PCDHGA7: variants seen among roughly 807,000 people sequenced by gnomAD.
PCDHGA7 encodes the protein protocadherin gamma subfamily A, 7, also known as protocadherin gamma-A7.
A neutral mutation model predicts 58.3 loss-of-function variants in PCDHGA7; 44 were observed. The ratio of observed to expected loss-of-function variants is 0.75; its 90% CI spans 0.59 to 0.97. The LOEUF is 0.97. Ranked by LOEUF, PCDHGA7 falls within the 50% of genes least tolerant of loss-of-function variation. The pLI is 0.00. For missense variants in PCDHGA7, 1,266 were observed against 1,188.7 expected (o/e 1.06, Z -0.96); for synonymous variants, 516 against 504.2 (o/e 1.02, Z -0.31).
At chr5:141,428,024 A>G (rs2097101613) in intron 1 of PCDHGA7, 1 of 1,606,106 alleles carries the variant, frequency 6.2e-7, no homozygotes, top group African/African-American at 1.3e-5. Context: ...CACGCGCCGC[A>G]GAGTCCGGCT....
At chr5:141,404,382 A>T in intron 1 of PCDHGA7, 2 of 1,613,978 alleles carry the variant, frequency 1.2e-6, no homozygotes, top group Non-Finnish European at 1.7e-6. Context: ...GTGATTGCCT[A>T]TGACCCTGAT....
At chr5:141,410,706 G>A in intron 1 of PCDHGA7, 1 of 1,454,410 alleles carries the variant, frequency 6.9e-7, no homozygotes, top group Non-Finnish European at 9.2e-7. Flanking sequence ...TTCATATCTA[G>A]AATCATATGT....
chr5:141,386,043 T>A (rs1356183154), intron 1 of PCDHGA7: 7 of 152,254 alleles, frequency 4.6e-5, no homozygotes, highest in Admixed American at 1.3e-4. Context: ...GGCAATTACA[T>A]GTTTTAACAG....
chr5:141,392,822 T>C (rs1234169256), intron 1 of PCDHGA7: 1 of 1,595,210 alleles, frequency 6.3e-7, no homozygotes, highest in East Asian at 2.2e-5. Context: ...CAATGGCCGC[T>C]CCACAGAGTC....
Position 141,432,479 on chromosome 5 carries a change from G to A in PCDHGA7, c.2424+47156G>A, listed in dbSNP as rs771261875. ...CGCCCTCCCCACGGACGGTTCCACT[G>A]GCGTGGAGCTGGCTCCCCGCTCCGC... On this transcript the variant is annotated intron_variant, in intron 1 of 3. Transcript: ENST00000518325. The surrounding 1 kb of genome is among the most constrained non-coding windows in gnomAD (Gnocchi z 6.0). The A allele has an allele frequency of 3.8e-5, 62 of 1,614,076 alleles. No individual in the cohort carries two copies. Among genetic ancestry groups the A allele is most frequent in the Non-Finnish European group, 4.9e-5 (58 of 1,180,052 alleles).
Position 141,493,689 on chromosome 5 carries a change from C to A in PCDHGA7, c.2425-1118C>A, listed in dbSNP as rs2099749557. The stretch of plus-strand genomic sequence containing the variant: ...GGCAGCCCCAGAATGGTGCTGGTGA[C>A]TCCCGATACACCTGGAATGCTAGGT... On this transcript the variant is annotated intron_variant, in intron 1 of 3. Transcript: ENST00000518325. The surrounding 1 kb of genome is among the most constrained non-coding windows in gnomAD (Gnocchi z 4.3). Among the ~76,000 whole-genome samples the A allele has an allele frequency of 6.6e-6, 1 of 152,218 alleles. No homozygotes were observed. The highest frequency in any genetic ancestry group is 2.4e-5 in the African/African-American group (1 of 41,450).
intron 1 of PCDHGA7, among the ~76,000 whole-genome samples, chr5:141,479,979 T>C (rs67253891): frequency 0.061 from 9,352 of 152,266 alleles, 334 homozygotes; most frequent in South Asian, 0.12. Context: ...GTTCTACCAT[T>C]TACCAACTAG....
At chr5:141,398,328 C>G in intron 1 of PCDHGA7, 7 of 1,353,010 alleles carry the variant, frequency 5.2e-6, no homozygotes, top group Non-Finnish European at 7.2e-6. Context: ...GAAAACTGCG[C>G]GTCAGTTCGG....
At chr5:141,466,974 C>G (rs1314224956) in intron 1 of PCDHGA7, among the ~76,000 whole-genome samples, 1 of 151,944 alleles carries the variant, frequency 6.6e-6, no homozygotes, top group Non-Finnish European at 1.5e-5. Context: ...TCTCACAGCT[C>G]ATCATTTACC....
At position 141,487,603 on chromosome 5, in the gene PCDHGA7, C is replaced by T; in HGVS notation, c.2425-7204C>T. The stretch of plus-strand genomic sequence containing the variant: ...CAAGCTGCCCACCCTCTGATCTTCT[C>T]TATGGGCTAGAGGTGAGACCTTTGC... On this transcript the variant is annotated intron_variant, in intron 1 of 3. Transcript: ENST00000518325. This position sits in a 1 kb window ranked among gnomAD's most constrained non-coding sequence, Gnocchi z 5.0. 1.2e-6 allele frequency: 2 copies of T among 1,614,214 alleles called. No individual in the cohort carries two copies. Among genetic ancestry groups the T allele is most frequent in the Non-Finnish European group, 1.7e-6 (2 of 1,180,042 alleles).
At chr5:141,420,432 T>C in intron 1 of PCDHGA7, 2 of 1,149,120 alleles carry the variant, frequency 1.7e-6, no homozygotes, top group Non-Finnish European at 2.3e-6. Flanking sequence ...AAAGTTTAAA[T>C]TAAATGCCTC....
intron 1 of PCDHGA7, among the ~76,000 whole-genome samples, chr5:141,457,278 C>T (rs1446074161): frequency 6.6e-6 from 1 of 152,196 alleles, no homozygotes; most frequent in Non-Finnish European, 1.5e-5. Flanking sequence ...TGTGGGCCTA[C>T]GAAGTTCCTT....
chr5:141,435,026 C>A (rs977017371), intron 1 of PCDHGA7, among the ~76,000 whole-genome samples: 4 of 151,978 alleles, frequency 2.6e-5, no homozygotes, highest in Non-Finnish European at 5.9e-5. Context: ...GCTCTTTTCC[C>A]ACTTTTATTT....
intron 1 of PCDHGA7, chr5:141,422,668 G>A: frequency 6.2e-7 from 1 of 1,607,686 alleles, no homozygotes; most frequent in Non-Finnish European, 8.5e-7. Context: ...CCTCGACCCG[G>A]ACAGCAAACA....
Position 141,487,622 on chromosome 5 carries a change from C to A in PCDHGA7, c.2425-7185C>A. 1 of 1,614,174 alleles carries A rather than the reference C, an allele frequency of 6.2e-7. No homozygotes were observed. Among genetic ancestry groups the A allele is most frequent in the Non-Finnish European group, 8.5e-7 (1 of 1,180,030 alleles). ...TCTTCTCTATGGGCTAGAGGTGAGACCTTTGCAGGCTCAACAAATGCTTGA... is the reference window on the plus strand; with the variant it reads ...TCTTCTCTATGGGCTAGAGGTGAGAACTTTGCAGGCTCAACAAATGCTTGA... On this transcript the variant is annotated intron_variant, in intron 1 of 3. Transcript: ENST00000518325. The surrounding 1 kb of genome is among the most constrained non-coding windows in gnomAD (Gnocchi z 5.0).
intron 1 of PCDHGA7, chr5:141,400,296 C>T (rs2093998279): frequency 6.2e-7 from 1 of 1,614,076 alleles, no homozygotes. Context: ...GGAGCTGCTT[C>T]CAACCTGGTC....
intron 1 of PCDHGA7, chr5:141,479,468 T>C (rs1473966646): frequency 1.3e-5 from 2 of 152,248 alleles, no homozygotes; most frequent in African/African-American, 4.8e-5. Context: ...TACAGTGACC[T>C]CTTGGGAGGG....
At chr5:141,447,719 C>T (rs1333017511) in intron 1 of PCDHGA7, among the ~76,000 whole-genome samples, 2 of 152,226 alleles carry the variant, frequency 1.3e-5, no homozygotes, top group East Asian at 3.9e-4. Context: ...TACACATTTT[C>T]CAAAACTCAT....
intron 1 of PCDHGA7, among the ~76,000 whole-genome samples, chr5:141,482,127 T>C (rs2099553382): frequency 6.6e-6 from 1 of 151,774 alleles, no homozygotes; most frequent in African/African-American, 2.4e-5. Flanking sequence ...GGGAGAATCA[T>C]ATGGCTGGCA....
Sources: gnomAD v4.1 joint callset for allele counts (sites outside exome capture counted in the v4.1 genomes callset) on GRCh38, gnomAD v4.1.1 for gene constraint, Gnocchi (gnomAD v3.1) non-coding constraint, MANE v1.5 for transcripts, NCBI Gene and HGNC (gene_info 2026-07-23, HGNC 2026-07-21) for gene names.